LHFPL4: variants seen among roughly 807,000 people sequenced by gnomAD.
The protein encoded by LHFPL4 is LHFPL tetraspan subfamily member 4.
A neutral mutation model predicts 20.0 loss-of-function variants in LHFPL4; 6 were observed. The observed-to-expected ratio is 0.30, with a 90% CI of 0.16 to 0.59. The LOEUF is 0.59. Ranked by LOEUF, LHFPL4 falls within the 20% of genes least tolerant of loss-of-function variation. The pLI is 0.88. For synonymous variants in LHFPL4, 129 were observed against 143.8 expected, an observed-to-expected ratio of 0.90 and a Z score of 0.74; for missense variants, 215 against 331.2, an observed-to-expected ratio of 0.65 and a Z score of 2.72.
In LHFPL4 at chr3:9,506,065, A is replaced by G; in HGVS notation, c.545T>C (p.Ile182Thr). The G allele has an allele frequency of 6.2e-7, 1 of 1,614,184 alleles. No homozygotes were observed. Among genetic ancestry groups the G allele is most frequent in the East Asian group, 2.2e-5 (1 of 44,874 alleles). Reference protein sequence around the residue: ...SVRWAYILAIIGILNALILSF... With the variant: ...SVRWAYILAITGILNALILSF... Reference sequence around the variant, plus strand: ...GAGGATGAGGGCGTTGAGGATGCCGATGATGGCCAGGATGTATGCCCAGCG... The same window carrying G: ...GAGGATGAGGGCGTTGAGGATGCCGGTGATGGCCAGGATGTATGCCCAGCG... The change falls in exon 3 of 4, where the codon ATC (isoleucine) becomes ACC (threonine). Residue 182 changes from isoleucine (I) to threonine (T), a missense_variant. By Grantham distance (89) the Ile-to-Thr change is moderately conservative (BLOSUM62 -1). This residue lies in a region of LHFPL4 where 164 missense variants were observed against 286.7 expected (regional missense o/e 0.57). Transcript: ENST00000287585. This position sits in a 1 kb window ranked among gnomAD's most constrained non-coding sequence, Gnocchi z 4.5.
At chr3:9,522,708 A>G (rs1177553322) in intron 2 of LHFPL4, among the ~76,000 whole-genome samples, 1 of 148,898 alleles carries the variant, frequency 6.7e-6, no homozygotes, top group African/African-American at 2.5e-5. Context: ...GTGCCATTGC[A>G]CTCCAGCCTG....
chr3:9,543,930 C>T (rs1400269597), intron 2 of LHFPL4, among the ~76,000 whole-genome samples: 3 of 151,852 alleles, frequency 2.0e-5, no homozygotes, highest in Middle Eastern at 3.4e-3. Context: ...ACCATGTTGC[C>T]CAGGCTGGTC....
At chr3:9,522,845 T>A (rs545263068) in intron 2 of LHFPL4, among the ~76,000 whole-genome samples, 11 of 148,218 alleles carry the variant, frequency 7.4e-5, no homozygotes, top group Non-Finnish European at 1.3e-4. Context: ...ATTGAGACCA[T>A]CCTGGCTAAC....
At position 9,502,030 on chromosome 3, in the gene LHFPL4, TCTC is replaced by T; in HGVS notation, c.*178_*180del. The T allele has an allele frequency of 4.9e-6, 3 of 616,924 alleles. No homozygotes were observed. The South Asian group carries it at 5.9e-5, about 12-fold the overall frequency. The allele number at this position is 616,924 out of a possible 1,614,324, so 38.2% of individuals were successfully genotyped here. On this transcript the variant is annotated 3_prime_UTR_variant, in exon 4 of 4. Transcript: ENST00000287585. The stretch of plus-strand genomic sequence containing the variant: ...AGACCCTCCCAAGGTTTGGAGGGCC[TCTC>T]CTCTCCCCCAGGCCACATCCAGGCT...
intron 2 of LHFPL4, among the ~76,000 whole-genome samples, chr3:9,550,067 C>G (rs2046542983): frequency 6.6e-6 from 1 of 152,120 alleles, no homozygotes; most frequent in Non-Finnish European, 1.5e-5. Flanking sequence ...TACCTGCTCC[C>G]AGTCCCCTAT....
chr3:9,544,507 C>G (rs2046499402), intron 2 of LHFPL4, among the ~76,000 whole-genome samples: 1 of 152,044 alleles, frequency 6.6e-6, no homozygotes, highest in Non-Finnish European at 1.5e-5. Flanking sequence ...CACCTGTACT[C>G]CCAGCTACTC....
At chr3:9,536,161 G>A (rs894794842) in intron 2 of LHFPL4, among the ~76,000 whole-genome samples, 3 of 152,348 alleles carry the variant, frequency 2.0e-5, no homozygotes, top group South Asian at 4.1e-4. Context: ...GGTGACAACT[G>A]TCTCACAGGG....
At position 9,553,256 on chromosome 3, in the gene LHFPL4, G is replaced by C. The variant is rs866782170; in HGVS notation, c.-168-409C>G. ...GGATGGGGGAAGAGGGAATTTAAGA[G>C]GCTGGGACTGGGTGGTTGGGAAGGT... On this transcript the variant is annotated intron_variant, in intron 1 of 3. Coordinates refer to ENST00000287585, the MANE Select transcript of LHFPL4 (RefSeq NM_198560.3). Among the ~76,000 whole-genome samples the C allele has an allele frequency of 4.6e-5, 7 of 151,670 alleles. No homozygotes were observed. The South Asian group carries it at 1.5e-3, about 32-fold the overall frequency.
chr3:9,502,522 C>T (rs2046184642), intron 3 of LHFPL4, among the ~76,000 whole-genome samples: 1 of 151,968 alleles, frequency 6.6e-6, no homozygotes, highest in Non-Finnish European at 1.5e-5. Flanking sequence ...ATCAACATGG[C>T]ACAACCCTGT....
At chr3:9,549,942 G>A (rs1169982943) in intron 2 of LHFPL4, among the ~76,000 whole-genome samples, 2 of 152,000 alleles carry the variant, frequency 1.3e-5, no homozygotes, top group African/African-American at 4.8e-5. Context: ...ATGTTGGCCA[G>A]GCTAATCTCC....
chr3:9,504,720 G>A (rs777502161), intron 3 of LHFPL4, among the ~76,000 whole-genome samples: 45 of 151,646 alleles, frequency 3.0e-4, no homozygotes, highest in Non-Finnish European at 5.7e-4. Flanking sequence ...AGCTACTCAG[G>A]AGGCTGAGGC....
intron 2 of LHFPL4, among the ~76,000 whole-genome samples, chr3:9,515,649 G>A (rs2046295041): frequency 6.6e-6 from 1 of 152,072 alleles, no homozygotes; most frequent in African/African-American, 2.4e-5. Context: ...TGGGATTACA[G>A]GTGTGAATTA....
At position 9,520,511 on chromosome 3, in the gene LHFPL4, GC is replaced by G. The variant is rs541732948; in HGVS notation, c.407-14309del. ...TGGGATTACAGGCACGTGCCACCAC[GC>G]CCAGCTAATTTTTGTATTTTTAGTA... On this transcript the variant is annotated intron_variant, in intron 2 of 3. Coordinates refer to ENST00000287585, the MANE Select transcript of LHFPL4 (RefSeq NM_198560.3). Among the ~76,000 whole-genome samples the G allele has an allele frequency of 1.8e-4, 28 of 151,956 alleles. No homozygotes were observed. The South Asian group carries it at 5.4e-3, about 29-fold the overall frequency.
chr3:9,545,333 A>C (rs150100693), intron 2 of LHFPL4, among the ~76,000 whole-genome samples: 4 of 152,330 alleles, frequency 2.6e-5, no homozygotes, highest in African/African-American at 9.6e-5. Flanking sequence ...TATCACGCAC[A>C]TACAACAAAG....
At chr3:9,538,763 A>G (rs1021005292) in intron 2 of LHFPL4, among the ~76,000 whole-genome samples, 3 of 151,378 alleles carry the variant, frequency 2.0e-5, no homozygotes, top group African/African-American at 7.3e-5. Context: ...CAATGGCGCA[A>G]TCTTGGCTCA....
intron 2 of LHFPL4, among the ~76,000 whole-genome samples, chr3:9,520,297 A>C (rs577991858): frequency 8.5e-5 from 13 of 152,106 alleles, no homozygotes; most frequent in Non-Finnish European, 1.9e-4. Context: ...CACTAATTTA[A>C]ATAAATAAAT....
intron 2 of LHFPL4, among the ~76,000 whole-genome samples, chr3:9,517,351 T>G (rs1045516919): frequency 2.0e-5 from 3 of 152,170 alleles, no homozygotes; most frequent in African/African-American, 7.2e-5. Context: ...ATGGTATATA[T>G]TTCCCTTTAT....
At chr3:9,534,807 A>G (rs1012601260) in intron 2 of LHFPL4, among the ~76,000 whole-genome samples, 1 of 152,180 alleles carries the variant, frequency 6.6e-6, no homozygotes, top group African/African-American at 2.4e-5. Flanking sequence ...AATCTCAAAA[A>G]CAGAAAAATG....
chr3:9,542,837 A>T (rs997820921), intron 2 of LHFPL4, among the ~76,000 whole-genome samples: 1 of 150,612 alleles, frequency 6.6e-6, no homozygotes, highest in African/African-American at 2.4e-5. Context: ...GTCACATGTT[A>T]TATGATCCCA....
Sources: gnomAD v4.1 joint callset for allele counts (sites outside exome capture counted in the v4.1 genomes callset) on GRCh38, gnomAD v4.1.1 for gene constraint, gnomAD v4.1.1 regional missense constraint, Gnocchi (gnomAD v3.1) non-coding constraint, MANE v1.5 for transcripts, NCBI Gene and HGNC (gene_info 2026-07-23, HGNC 2026-07-21) for gene names.